Variants in LRP1B observed in about 807,000 individuals in gnomAD.
LRP1B encodes low-density lipoprotein receptor-related protein 1B.
A neutral mutation model predicts 556.6 loss-of-function variants in LRP1B; 217 were observed. The observed-to-expected ratio is 0.39, with a 90% CI of 0.35 to 0.44. LRP1B has a LOEUF of 0.44. LRP1B is among the 20% of genes least tolerant of loss of function. The pLI is 1.00. For synonymous variants in LRP1B, 2,047 were observed against 1,865.8 expected (o/e 1.10, Z -2.50); for missense variants, 5,053 against 5,620.8 (o/e 0.90, Z 3.23).
At chr2:140,810,907 T>G (rs1356232369) in intron 32 of LRP1B, among the ~76,000 whole-genome samples, 1 of 152,150 alleles carries the variant, frequency 6.6e-6, no homozygotes, top group Non-Finnish European at 1.5e-5. Context: ...GGCTAATTTT[T>G]TGTATTTTTA....
chr2:141,722,736 AG>A (rs1692873105), intron 2 of LRP1B, among the ~76,000 whole-genome samples: 1 of 140,810 alleles, frequency 7.1e-6, no homozygotes, highest in Non-Finnish European at 1.6e-5. Context: ...ATACATAGAT[AG>A]ATAGATAGAT....
At chr2:141,857,161 A>T (rs10205635) in intron 1 of LRP1B, among the ~76,000 whole-genome samples, 5,126 of 152,120 alleles carry the variant, frequency 0.034, 268 homozygotes, top group African/African-American at 0.12. Flanking sequence ...CTGCCTGGTC[A>T]CTTAAGTTAG....
At chr2:141,986,804 T>C (rs12105379) in intron 1 of LRP1B, among the ~76,000 whole-genome samples, 98,609 of 151,734 alleles carry the variant, frequency 0.65, 32,810 homozygotes, top group African/African-American at 0.8. Context: ...TTGGTCAAAC[T>C]GGAAATCCAC....
At chr2:141,098,624 CAT>C (rs1056161657) in intron 7 of LRP1B, among the ~76,000 whole-genome samples, 4 of 152,064 alleles carry the variant, frequency 2.6e-5, no homozygotes, top group African/African-American at 9.7e-5. Context: ...GGGAAAAATT[CAT>C]ATATTTAGTA....
chr2:141,081,406 A>G (rs1699919334), intron 7 of LRP1B, among the ~76,000 whole-genome samples: 1 of 152,186 alleles, frequency 6.6e-6, no homozygotes, highest in African/African-American at 2.4e-5. Flanking sequence ...AATGAGATGC[A>G]GTGTTTAGCA....
chr2:142,021,747 A>G (rs1703337235), intron 1 of LRP1B, among the ~76,000 whole-genome samples: 1 of 152,212 alleles, frequency 6.6e-6, no homozygotes, highest in Admixed American at 6.5e-5. Flanking sequence ...TATTTTAATA[A>G]CAACAAAAGT....
At chr2:140,715,100 C>G (rs1227913953) in intron 37 of LRP1B, among the ~76,000 whole-genome samples, 6 of 151,898 alleles carry the variant, frequency 4.0e-5, no homozygotes, top group Admixed American at 3.9e-4. Flanking sequence ...AGAAGACCAA[C>G]AGAGATTGAT....
chr2:141,921,410 A>G (rs1220219931), intron 1 of LRP1B, among the ~76,000 whole-genome samples: 1 of 151,994 alleles, frequency 6.6e-6, no homozygotes, highest in Non-Finnish European at 1.5e-5. Flanking sequence ...TTCTAAAATT[A>G]TGTTTAAATA....
chr2:141,760,972 C>T (rs1180222289), intron 2 of LRP1B, among the ~76,000 whole-genome samples: 1 of 152,150 alleles, frequency 6.6e-6, no homozygotes, highest in Non-Finnish European at 1.5e-5. Context: ...TATTTGTGGG[C>T]ACATTTTCTG....
At chr2:141,191,151 TAGTATGAAAATACTC>T (rs1681486887) in intron 6 of LRP1B, among the ~76,000 whole-genome samples, 1 of 152,048 alleles carries the variant, frequency 6.6e-6, no homozygotes, top group Admixed American at 6.6e-5. Flanking sequence ...TCATCATACT[TAGTATGAAAATACTC>T]AGGCTCAACC....
At chr2:141,839,361 A>G (rs1404014635) in intron 1 of LRP1B, among the ~76,000 whole-genome samples, 1 of 152,216 alleles carries the variant, frequency 6.6e-6, no homozygotes, top group Non-Finnish European at 1.5e-5. Context: ...CTTACTTTTC[A>G]TATGTATATA....
intron 72 of LRP1B, among the ~76,000 whole-genome samples, chr2:140,360,267 T>C (rs1031342954): frequency 6.6e-6 from 1 of 151,532 alleles, no homozygotes; most frequent in Non-Finnish European, 1.5e-5. Flanking sequence ...CAATATTGCT[T>C]TATTACAGCT....
At chr2:141,428,703 C>T (rs1391700821) in intron 3 of LRP1B, among the ~76,000 whole-genome samples, 1 of 152,174 alleles carries the variant, frequency 6.6e-6, no homozygotes. Flanking sequence ...ATTGATGTGA[C>T]ACTCTGCCAG....
chr2:141,035,651 C>T (rs185793043), intron 11 of LRP1B, among the ~76,000 whole-genome samples: 2 of 151,802 alleles, frequency 1.3e-5, no homozygotes, highest in African/African-American at 2.4e-5. Context: ...CATCCTGTAC[C>T]ATCTCTTTAA....
At chr2:140,437,950 C>G (rs538724219) in intron 66 of LRP1B, among the ~76,000 whole-genome samples, 3 of 151,948 alleles carry the variant, frequency 2.0e-5, no homozygotes, top group Non-Finnish European at 4.4e-5. Context: ...TAACATGATA[C>G]TTGTTATATA....
In LRP1B at chr2:140,623,403, A is replaced by AT. The variant is rs1683526923; in HGVS notation, c.6800-21765dup. Among the ~76,000 whole-genome samples, 3 of 152,104 alleles carry AT rather than the reference A, an allele frequency of 2.0e-5. No individual in the cohort carries two copies. The South Asian group carries it at 6.2e-4, about 31-fold the overall frequency. ...ATGCATTTTGTTTAAAAAAGATATA[A>AT]TTTTTTCTCCTTATCTAGTACACCA... On this transcript the variant is annotated intron_variant, in intron 41 of 90. Coordinates refer to ENST00000389484, the MANE Select transcript of LRP1B (RefSeq NM_018557.3).
intron 49 of LRP1B, among the ~76,000 whole-genome samples, chr2:140,520,798 G>GAAAAAAAAAAAAAAAA (rs757383865): frequency 1.2e-5 from 1 of 86,448 alleles, no homozygotes; most frequent in Non-Finnish European, 2.1e-5. Context: ...TAAGAAAACA[G>GAAAAAAAAAAAAAAAA]AAAAAAAAAA....
intron 87 of LRP1B, among the ~76,000 whole-genome samples, chr2:140,241,019 A>G (rs933374756): frequency 6.6e-5 from 10 of 150,976 alleles, no homozygotes; most frequent in Non-Finnish European, 1.2e-4. Flanking sequence ...TCTAATTTAG[A>G]ACTTCGAGAA....
intron 27 of LRP1B, among the ~76,000 whole-genome samples, 179 bp downstream of exon 27, chr2:140,867,411 G>T (rs963985127): frequency 4.0e-5 from 6 of 151,778 alleles, no homozygotes; most frequent in African/African-American, 1.2e-4. Flanking sequence ...AAAATAAAAA[G>T]GGAAAGAGAA....
Sources: gnomAD v4.1 joint callset for allele counts (sites outside exome capture counted in the v4.1 genomes callset) on GRCh38, gnomAD v4.1.1 for gene constraint, MANE v1.5 for transcripts, NCBI Gene and HGNC (gene_info 2026-07-23, HGNC 2026-07-21) for gene names.